The following FMN2 variants were observed in gnomAD, a reference collection of about 807,000 sequenced individuals.
FMN2 encodes the protein formin-2.
In FMN2, 51 loss-of-function variants were observed where a neutral mutation model predicts 142.3. The ratio of observed to expected loss-of-function variants is 0.36; its 90% CI spans 0.29 to 0.45. The LOEUF (loss-of-function observed/expected upper bound fraction) is 0.45, where lower values mean the gene tolerates loss of function less well. Ranked by LOEUF, FMN2 falls within the 20% of genes least tolerant of loss-of-function variation. FMN2 has a pLI of 1.00. For missense variants in FMN2, 1,936 were observed against 2,122.8 expected (o/e 0.91, Z 1.73); for synonymous variants, 882 against 869.8 (o/e 1.01, Z -0.25).
At chr1:240,217,787 C>T (rs1458555043) in intron 6 of FMN2, among the ~76,000 whole-genome samples, 1 of 149,390 alleles carries the variant, frequency 6.7e-6, no homozygotes, top group Non-Finnish European at 1.5e-5. Flanking sequence ...TTTTATACTT[C>T]TAAGTAAATG....
chr1:240,321,271 G>C (rs1318898104), intron 8 of FMN2, among the ~76,000 whole-genome samples: 1 of 152,010 alleles, frequency 6.6e-6, no homozygotes, highest in Non-Finnish European at 1.5e-5. Flanking sequence ...TTACGTCAAG[G>C]AAAACCACTC....
intron 4 of FMN2, among the ~76,000 whole-genome samples, chr1:240,194,186 T>C (rs1253811962): frequency 6.6e-6 from 1 of 152,222 alleles, no homozygotes; most frequent in East Asian, 1.9e-4. Context: ...TTGATTTTGT[T>C]CTAGACACTG....
intron 14 of FMN2, among the ~76,000 whole-genome samples, chr1:240,387,203 A>G (rs944207073): frequency 6.6e-6 from 1 of 152,158 alleles, no homozygotes; most frequent in African/African-American, 2.4e-5. Context: ...TCAGTAGAGA[A>G]TTGATTGCTT....
At chr1:240,249,751 G>T (rs921977311) in intron 6 of FMN2, among the ~76,000 whole-genome samples, 1 of 151,998 alleles carries the variant, frequency 6.6e-6, no homozygotes, top group South Asian at 2.1e-4. Flanking sequence ...ATGTCTATTC[G>T]TTTCTGTCCT....
intron 6 of FMN2, among the ~76,000 whole-genome samples, chr1:240,250,973 C>CTG (rs1032948407): frequency 1.3e-5 from 2 of 151,332 alleles, no homozygotes; most frequent in African/African-American, 4.9e-5. Flanking sequence ...TGGGTCTTCT[C>CTG]TCATTTTCTT....
chr1:240,402,111 C>T (rs1409808587), intron 15 of FMN2, among the ~76,000 whole-genome samples: 1 of 152,206 alleles, frequency 6.6e-6, no homozygotes, highest in African/African-American at 2.4e-5. Flanking sequence ...GAATTATACT[C>T]ATTTGTCTTT....
At position 240,338,660 on chromosome 1, in the gene FMN2, C is replaced by T. The variant is rs141728069; in HGVS notation, c.4765+4431C>T. Among the ~76,000 whole-genome samples, 386 of 152,244 alleles carry T rather than the reference C, an allele frequency of 2.5e-3. 1 individual carries two copies. The highest frequency in any genetic ancestry group is 0.01 in the Middle Eastern group (3 of 294). On this transcript the variant is annotated intron_variant, in intron 13 of 17. Transcript: ENST00000319653. Reference sequence around the variant, plus strand: ...GTATTCATGCTGTATATACTGCCCACCTGTTCATCACTTAGGACAGTGGTC... The same window carrying T: ...GTATTCATGCTGTATATACTGCCCATCTGTTCATCACTTAGGACAGTGGTC...
At chr1:240,334,251 A>G (rs748527101) in intron 13 of FMN2, 22 bp downstream of exon 13, 16 of 1,567,274 alleles carry the variant, frequency 1.0e-5, no homozygotes, top group East Asian at 6.8e-5. Context: ...TCCTGAACTC[A>G]TGTTTTCTGT....
intron 8 of FMN2, among the ~76,000 whole-genome samples, chr1:240,297,849 G>A (rs1670045084): frequency 6.6e-6 from 1 of 152,092 alleles, no homozygotes; most frequent in South Asian, 2.1e-4. Flanking sequence ...CAAGATGAAG[G>A]CACTGGCAGA....
At chr1:240,275,669 T>C (rs1669180375) in intron 7 of FMN2, among the ~76,000 whole-genome samples, 1 of 152,188 alleles carries the variant, frequency 6.6e-6, no homozygotes, top group Admixed American at 6.5e-5. Flanking sequence ...ATTGCCACAC[T>C]GTCCTCCACA....
intron 3 of FMN2, among the ~76,000 whole-genome samples, chr1:240,182,919 CT>C (rs66527453): frequency 0.3 from 41,132 of 138,040 alleles, 5,748 homozygotes; most frequent in South Asian, 0.38. Context: ...CTTTTCTTTT[CT>C]TTTTTTTTTT....
Position 240,127,554 on chromosome 1 carries a change from C to T in FMN2, c.1782+4209C>T, listed in dbSNP as rs192877867. The stretch of plus-strand genomic sequence containing the variant: ...GAGCAGTAGCACAATCATGGCTCAC[C>T]GCAGTCTCGATCTCCTGGGCTCAAG... On this transcript the variant is annotated intron_variant, in intron 2 of 17. Transcript: ENST00000319653. 2.9e-3 allele frequency among the ~76,000 whole-genome samples: 445 copies of T among 152,054 alleles called. 3 individuals carry two copies. Among genetic ancestry groups the T allele is most frequent in the African/African-American group, 0.01 (418 of 41,468 alleles).
At chr1:240,315,930 A>T (rs912578238) in intron 8 of FMN2, among the ~76,000 whole-genome samples, 1 of 152,204 alleles carries the variant, frequency 6.6e-6, no homozygotes, top group African/African-American at 2.4e-5. Flanking sequence ...ATGTGCTGGG[A>T]AGTCCCCAGT....
In FMN2 at chr1:240,230,068, C is replaced by G. The variant is rs945412496; in HGVS notation, c.4065+18833C>G. ...CAGTGGTTCATGCCTATAATCCCAG[C>G]CTTTTGGGAGGCTGAGGTGGCAGGA... On this transcript the variant is annotated intron_variant, in intron 6 of 17. Coordinates refer to ENST00000319653, the MANE Select transcript of FMN2 (RefSeq NM_020066.5). Among the ~76,000 whole-genome samples the G allele has an allele frequency of 1.5e-5, 2 of 131,456 alleles. 1 individual carries two copies. Among genetic ancestry groups the G allele is most frequent in the Non-Finnish European group, 3.2e-5 (2 of 62,804 alleles). 86.2% of individuals were successfully genotyped at this position (131,456 alleles called of 152,430 possible). A position where few individuals can be genotyped will look rare whatever the true frequency, so the allele number is the denominator to read the frequency against.
chr1:240,097,361 T>A (rs1396936228), intron 1 of FMN2, among the ~76,000 whole-genome samples: 3 of 150,818 alleles, frequency 2.0e-5, no homozygotes, highest in African/African-American at 7.3e-5. Context: ...AGCTGCCTTT[T>A]TTTTTTTTTT....
intron 4 of FMN2, among the ~76,000 whole-genome samples, chr1:240,193,388 T>G (rs995258883): frequency 2.6e-5 from 4 of 152,198 alleles, no homozygotes; most frequent in African/African-American, 9.6e-5. Flanking sequence ...TGAAATGATT[T>G]GCGAGATGCA....
chr1:240,297,432 A>G (rs1370814478), intron 8 of FMN2, among the ~76,000 whole-genome samples: 1 of 151,884 alleles, frequency 6.6e-6, no homozygotes, highest in Non-Finnish European at 1.5e-5. Context: ...CGTCTCTACT[A>G]AAAATACAAA....
intron 6 of FMN2, among the ~76,000 whole-genome samples, chr1:240,220,051 T>A (rs185354362): frequency 1.3e-5 from 2 of 152,312 alleles, no homozygotes; most frequent in East Asian, 3.9e-4. Flanking sequence ...GTCTGAAGTA[T>A]TACTTTAGCA....
At chr1:240,176,554 C>CT (rs1275797516) in intron 2 of FMN2, among the ~76,000 whole-genome samples, 4 of 152,178 alleles carry the variant, frequency 2.6e-5, no homozygotes, top group Non-Finnish European at 5.9e-5. Flanking sequence ...GAGTTTTATC[C>CT]TTTTTAAGTG....
Sources: gnomAD v4.1 joint callset for allele counts (sites outside exome capture counted in the v4.1 genomes callset) on GRCh38, gnomAD v4.1.1 for gene constraint, MANE v1.5 for transcripts, NCBI Gene and HGNC (gene_info 2026-07-23, HGNC 2026-07-21) for gene names.